Variants in URI1 observed in about 807,000 individuals in gnomAD.
URI1 encodes the protein unconventional prefoldin RPB5 interactor 1.
URI1 carries 39 observed loss-of-function variants against 60.2 expected under a neutral mutation model. That is an observed-to-expected ratio of 0.65 (90% CI 0.50 to 0.85). The LOEUF is 0.85. Among genes scored for constraint, URI1 ranks in the 40% least tolerant of loss-of-function variants. URI1 has a pLI of 0.00. For synonymous variants in URI1, 251 were observed against 236.8 expected (o/e 1.06, Z -0.55); for missense variants, 691 against 665.9 (o/e 1.04, Z -0.42).
At chr19:30,001,240 G>T (rs1043596371) in intron 4 of URI1, among the ~76,000 whole-genome samples, 3 of 151,888 alleles carry the variant, frequency 2.0e-5, no homozygotes, top group Admixed American at 6.6e-5. Context: ...CTGTCAGGAA[G>T]CTCTGTGTGC....
Position 29,942,542 on chromosome 19 carries a change from C to A in URI1, c.-6C>A. The A allele has an allele frequency of 7.1e-7, 1 of 1,401,996 alleles. No individual in the cohort carries two copies. Among genetic ancestry groups the A allele is most frequent in the Non-Finnish European group, 9.3e-7 (1 of 1,078,106 alleles). 86.8% of individuals were successfully genotyped at this position (1,401,996 alleles called of 1,614,324 possible). On this transcript the variant is annotated 5_prime_UTR_variant, in exon 1 of 11. Coordinates refer to ENST00000392271, the MANE Select transcript of URI1 (RefSeq NM_003796.3). ...CACACGCCGCGCTGAGGCCCGCGGG[C>A]CCGTCATGGAGGCGCCCACCGTGGA... is the stretch of plus-strand genomic sequence containing the variant.
At chr19:29,937,365 G>T (rs1175764224), upstream of URI1, among the ~76,000 whole-genome samples, 3 of 152,082 alleles carry the variant, frequency 2.0e-5, no homozygotes, top group East Asian at 5.8e-4. Context: ...GCTTCCTTGG[G>T]GATGGCTTCT....
At chr19:29,949,909 G>C (rs1177906395) in intron 1 of URI1, among the ~76,000 whole-genome samples, 1 of 152,014 alleles carries the variant, frequency 6.6e-6, no homozygotes, top group Non-Finnish European at 1.5e-5. Flanking sequence ...GGAGACAGAG[G>C]GAGAGGGAGA....
At chr19:30,004,266 T>C (rs2055912424) in intron 4 of URI1, 1 of 152,038 alleles carries the variant, frequency 6.6e-6, no homozygotes, top group South Asian at 2.1e-4. Context: ...GGCTAGAGCA[T>C]AAGTGATTGT....
At chr19:29,989,512 C>A (rs1339865086) in intron 4 of URI1, among the ~76,000 whole-genome samples, 5 of 152,020 alleles carry the variant, frequency 3.3e-5, no homozygotes, top group Non-Finnish European at 7.4e-5. Context: ...CAACCTCCGC[C>A]TCCCGGGTTC....
chr19:29,923,875 GA>G, intron 1 of URI1: 1 of 1,026,840 alleles, frequency 9.7e-7, no homozygotes, highest in Non-Finnish European at 1.4e-6. Context: ...TGGCGCTGTA[GA>G]CATAGCTATA....
intron 1 of URI1, among the ~76,000 whole-genome samples, chr19:29,954,837 A>G (rs955261813): frequency 1.3e-5 from 2 of 151,570 alleles, no homozygotes; most frequent in African/African-American, 4.8e-5. Flanking sequence ...ATTTACATTC[A>G]CTTTTGACCT....
intron 1 of URI1, among the ~76,000 whole-genome samples, chr19:29,944,669 CTGTGT>C (rs1201693959): frequency 1.3e-5 from 2 of 152,200 alleles, no homozygotes; most frequent in South Asian, 2.1e-4. Context: ...AATTATTTTT[CTGTGT>C]TGTGTTAATG....
At chr19:29,966,172 G>A (rs1170665822) in intron 1 of URI1, among the ~76,000 whole-genome samples, 1 of 152,000 alleles carries the variant, frequency 6.6e-6, no homozygotes, top group Admixed American at 6.6e-5. Context: ...TTGGGGACAG[G>A]GTCTCTGTCT....
rs1037539424 is a variant in URI1, at chr19:30,016,579, T to G, written c.*1510T>G. ...TCTTAACAGATTTGTAATTTCAAGA[T>G]GCGTGTCATTAAATAATTTTTCATG... On this transcript the variant is annotated 3_prime_UTR_variant, in exon 11 of 11. Transcript: ENST00000392271. The G allele has an allele frequency of 1.3e-5, 2 of 152,150 alleles. No individual in the cohort carries two copies. Among genetic ancestry groups the G allele is most frequent in the Non-Finnish European group, 2.9e-5 (2 of 67,966 alleles). 9.4% of individuals were successfully genotyped at this position (152,150 alleles called of 1,614,324 possible).
intron 1 of URI1, among the ~76,000 whole-genome samples, chr19:29,954,328 T>C (rs1439111154): frequency 1.3e-5 from 2 of 152,206 alleles, no homozygotes; most frequent in African/African-American, 2.4e-5. Flanking sequence ...TGTGCAGTTA[T>C]ACCTTGGATT....
intron 1 of URI1, among the ~76,000 whole-genome samples, chr19:29,924,486 G>C (rs1300992846): frequency 6.6e-6 from 1 of 152,134 alleles, no homozygotes; most frequent in Non-Finnish European, 1.5e-5. Context: ...TAGCCACCTC[G>C]CTTTCATCCC....
At chr19:29,940,027 T>C (rs1463524708), upstream of URI1, among the ~76,000 whole-genome samples, 1 of 152,186 alleles carries the variant, frequency 6.6e-6, no homozygotes, top group Non-Finnish European at 1.5e-5. Flanking sequence ...GATAATAGTT[T>C]AGAGGTGTGC....
intron 1 of URI1, among the ~76,000 whole-genome samples, chr19:29,966,640 C>CT (rs1424742856): frequency 6.6e-6 from 1 of 152,164 alleles, no homozygotes; most frequent in Non-Finnish European, 1.5e-5. Context: ...CTTGACAAAT[C>CT]TATCTTTTAA....
intron 1 of URI1, among the ~76,000 whole-genome samples, chr19:29,965,499 C>A (rs1180158286): frequency 6.6e-6 from 1 of 152,176 alleles, no homozygotes; most frequent in East Asian, 1.9e-4. Context: ...ATGGCATATT[C>A]ATTGTTGACA....
intron 2 of URI1, among the ~76,000 whole-genome samples, chr19:29,974,970 T>C (rs920716944): frequency 2.6e-5 from 4 of 152,228 alleles, no homozygotes; most frequent in African/African-American, 9.6e-5. Flanking sequence ...ATTTTTGTTA[T>C]CCAGTTCACT....
At chr19:29,927,261 CTTT>C (rs5827680) in intron 1 of URI1, among the ~76,000 whole-genome samples, 31 of 124,844 alleles carry the variant, frequency 2.5e-4, no homozygotes, top group Admixed American at 1.6e-3. Flanking sequence ...TTTCATCCCT[CTTT>C]TTTTTTTTTT....
intron 8 of URI1, 50 bp downstream of exon 8, chr19:30,009,403 G>T: frequency 2.0e-6 from 3 of 1,475,002 alleles, no homozygotes; most frequent in Non-Finnish European, 2.8e-6. Context: ...TGAACATTAA[G>T]CATTATGATA....
intron 2 of URI1, among the ~76,000 whole-genome samples, chr19:29,977,641 G>A (rs936610179): frequency 3.5e-5 from 5 of 144,276 alleles, no homozygotes; most frequent in African/African-American, 1.0e-4. Context: ...TGTTGTTGGA[G>A]TTTCTGTAGT....
Sources: gnomAD v4.1 joint callset for allele counts (sites outside exome capture counted in the v4.1 genomes callset) on GRCh38, gnomAD v4.1.1 for gene constraint, MANE v1.5 for transcripts, NCBI Gene and HGNC (gene_info 2026-07-23, HGNC 2026-07-21) for gene names.